COL26A1: variants seen among roughly 807,000 people sequenced by gnomAD.
The protein encoded by COL26A1 is collagen type XXVI alpha 1 chain.
COL26A1 carries 41 observed loss-of-function variants against 59.3 expected under a neutral mutation model. The observed-to-expected ratio is 0.69, with a 90% CI of 0.54 to 0.90. The LOEUF is 0.90. Ranked by LOEUF, COL26A1 falls within the 40% of genes least tolerant of loss-of-function variation. The pLI is 0.00. For synonymous variants in COL26A1, 266 were observed against 256.0 expected, an observed-to-expected ratio of 1.04 and a Z score of -0.37; for missense variants, 612 against 602.3, an observed-to-expected ratio of 1.02 and a Z score of -0.17.
At chr7:101,429,456 TC>T (rs1481973931) in intron 2 of COL26A1, among the ~76,000 whole-genome samples, 1 of 152,076 alleles carries the variant, frequency 6.6e-6, no homozygotes, top group Admixed American at 6.6e-5. Flanking sequence ...AGTTCTCTGT[TC>T]TGGTCCATTG....
intron 1 of COL26A1, among the ~76,000 whole-genome samples, chr7:101,390,379 C>T (rs1034058143): frequency 9.9e-5 from 15 of 152,018 alleles, no homozygotes; most frequent in Admixed American, 3.9e-4. Context: ...CTGCCCGCCT[C>T]GGCCTCTCAA....
At chr7:101,372,320 C>T (rs927698748) in intron 1 of COL26A1, among the ~76,000 whole-genome samples, 15 of 152,146 alleles carry the variant, frequency 9.9e-5, no homozygotes, top group Non-Finnish European at 1.9e-4. Context: ...CGCCCACCAA[C>T]ATGCCAGGCT....
chr7:101,396,075 T>C (rs555555644), intron 1 of COL26A1, among the ~76,000 whole-genome samples: 4 of 151,964 alleles, frequency 2.6e-5, no homozygotes, highest in South Asian at 4.2e-4. Flanking sequence ...CTGGGCAACA[T>C]AGTGAGATCC....
intron 3 of COL26A1, among the ~76,000 whole-genome samples, chr7:101,497,879 G>A (rs1323359799): frequency 6.6e-6 from 1 of 152,088 alleles, no homozygotes; most frequent in Non-Finnish European, 1.5e-5. Context: ...AGCTACTTGG[G>A]AGGCTGAGGC....
At chr7:101,507,885 C>A (rs1794844843) in intron 3 of COL26A1, among the ~76,000 whole-genome samples, 1 of 152,116 alleles carries the variant, frequency 6.6e-6, no homozygotes, top group African/African-American at 2.4e-5. Flanking sequence ...GCCGCTGGTC[C>A]CTGTGGTTTC....
At chr7:101,386,257 GTTTTTTTT>G (rs71106515) in intron 1 of COL26A1, among the ~76,000 whole-genome samples, 2 of 117,674 alleles carry the variant, frequency 1.7e-5, no homozygotes, top group African/African-American at 3.3e-5. Flanking sequence ...GTCCTAGCTT[GTTTTTTTT>G]TTTTTTTTTT....
intron 5 of COL26A1, among the ~76,000 whole-genome samples, chr7:101,543,588 G>A (rs1471990902): frequency 2.6e-5 from 4 of 152,074 alleles, no homozygotes; most frequent in African/African-American, 9.7e-5. Flanking sequence ...ACCTCCTGGG[G>A]CCTCCTCGGA....
intron 3 of COL26A1, among the ~76,000 whole-genome samples, chr7:101,478,284 T>C (rs992780618): frequency 3.9e-5 from 6 of 152,172 alleles, no homozygotes; most frequent in African/African-American, 1.4e-4. Flanking sequence ...CCCAGCTCAT[T>C]GATATCTTTT....
intron 3 of COL26A1, among the ~76,000 whole-genome samples, chr7:101,466,794 T>TGGTG (rs1408658141): frequency 3.0e-5 from 2 of 66,454 alleles, no homozygotes; most frequent in Non-Finnish European, 3.1e-5. Flanking sequence ...CGGCATGTTC[T>TGGTG]GGTGTGTGTG....
intron 3 of COL26A1, among the ~76,000 whole-genome samples, chr7:101,473,110 C>T (rs1793944487): frequency 6.6e-6 from 1 of 150,592 alleles, no homozygotes; most frequent in Non-Finnish European, 1.5e-5. Flanking sequence ...CACGGAGTCT[C>T]ACTCTGTCGC....
chr7:101,494,515 T>C (rs1794538952), intron 3 of COL26A1, among the ~76,000 whole-genome samples: 1 of 152,284 alleles, frequency 6.6e-6, no homozygotes, highest in Non-Finnish European at 1.5e-5. Context: ...GGCGTAGTTC[T>C]ATTTCCTATC....
Position 101,557,620 on chromosome 7 carries a change from G to A in COL26A1, c.*90G>A. 7.6e-7 allele frequency: 1 copy of A among 1,318,512 alleles called. No individual in the cohort carries two copies. Among genetic ancestry groups the A allele is most frequent in the Non-Finnish European group, 1.0e-6 (1 of 969,458 alleles). The allele number at this position is 1,318,512 out of a possible 1,614,324, so 81.7% of individuals were successfully genotyped here. On this transcript the variant is annotated 3_prime_UTR_variant, in exon 13 of 13. Coordinates refer to ENST00000313669, the MANE Select transcript of COL26A1 (RefSeq NM_001278563.3). Reference sequence around the variant, plus strand: ...CTGTTTCCTAAAGATGCCCCCAGGGGAACTGGGCTCCAGGCATGGATGATT... The same window carrying A: ...CTGTTTCCTAAAGATGCCCCCAGGGAAACTGGGCTCCAGGCATGGATGATT...
chr7:101,450,120 T>A (rs1180253656), intron 3 of COL26A1, among the ~76,000 whole-genome samples: 1 of 127,112 alleles, frequency 7.9e-6, no homozygotes, highest in Non-Finnish European at 1.5e-5. Flanking sequence ...TGAGACTCAG[T>A]CTCAAAAAAA....
At chr7:101,378,566 C>T (rs1027821643) in intron 1 of COL26A1, among the ~76,000 whole-genome samples, 1 of 151,906 alleles carries the variant, frequency 6.6e-6, no homozygotes, top group African/African-American at 2.4e-5. Flanking sequence ...TTCCCTATGT[C>T]ACCCAGGCTG....
chr7:101,434,090 CTCT>C, intron 2 of COL26A1, among the ~76,000 whole-genome samples: 1 of 76,544 alleles, frequency 1.3e-5, no homozygotes, highest in African/African-American at 5.1e-5. Flanking sequence ...CCCTCCCTCC[CTCT>C]TTCTTTCTGC....
At chr7:101,362,830 C>T (rs775733373), upstream of COL26A1, 5 of 561,344 alleles carry the variant, frequency 8.9e-6, no homozygotes, top group Admixed American at 3.7e-5. Flanking sequence ...CGGCTTAGAG[C>T]CCACCTCGCC....
intron 1 of COL26A1, among the ~76,000 whole-genome samples, chr7:101,412,998 A>C (rs1176129563): frequency 6.6e-6 from 1 of 152,212 alleles, no homozygotes; most frequent in Non-Finnish European, 1.5e-5. Context: ...TGAACCTGGG[A>C]AGTGTCCTGA....
chr7:101,467,597 G>A (rs1584433803), intron 3 of COL26A1, among the ~76,000 whole-genome samples: 1 of 151,758 alleles, frequency 6.6e-6, no homozygotes, highest in South Asian at 2.1e-4. Flanking sequence ...GCCGGGCGCG[G>A]TGGCTCACGC....
At chr7:101,444,999 C>T (rs1008350262) in intron 2 of COL26A1, among the ~76,000 whole-genome samples, 4 of 151,570 alleles carry the variant, frequency 2.6e-5, no homozygotes, top group African/African-American at 9.7e-5. Flanking sequence ...TGCCATCATG[C>T]CTGGCTAATT....
Sources: allele counts gnomAD v4.1 joint callset (sites outside exome capture counted in the v4.1 genomes callset), GRCh38; gene constraint gnomAD v4.1.1; transcripts MANE v1.5; gene names NCBI Gene and HGNC (gene_info 2026-07-23, HGNC 2026-07-21).